Variants in PCM1 observed in about 807,000 individuals in gnomAD.
The protein encoded by PCM1 is pericentriolar material 1.
A neutral mutation model predicts 241.9 loss-of-function variants in PCM1; 157 were observed. That is an observed-to-expected ratio of 0.65 (90% CI 0.57 to 0.74). The LOEUF (loss-of-function observed/expected upper bound fraction) is 0.74. Ranked by LOEUF, PCM1 falls within the 30% of genes least tolerant of loss-of-function variation. PCM1 has a pLI of 0.00. For synonymous variants in PCM1, 1,085 were observed against 784.9 expected, an observed-to-expected ratio of 1.38 and a Z score of -6.39; for missense variants, 3,478 against 2,360.1, an observed-to-expected ratio of 1.47 and a Z score of -9.81.
intron 29 of PCM1, among the ~76,000 whole-genome samples, chr8:17,997,967 C>T (rs1203470945): frequency 2.0e-5 from 3 of 149,420 alleles, no homozygotes; most frequent in Non-Finnish European, 3.0e-5. Context: ...ACCCGGGAGG[C>T]GGAGGTTGCA....
rs1282856168 is a variant in PCM1, at chr8:17,957,281, C to G, written c.1664C>G (p.Ser555Cys). 6.3e-7 allele frequency: 1 copy of G among 1,590,436 alleles called. No homozygotes were observed. Among genetic ancestry groups the G allele is most frequent in the African/African-American group, 1.3e-5 (1 of 74,174 alleles). The change falls in exon 12 of 39, where the codon TCC becomes TGC. Residue 555 changes from serine to cysteine, a missense_variant. Physicochemically the swap from Ser to Cys is moderately radical, Grantham distance 112. Transcript: ENST00000325083. ...VTNIRNPQVA[S>C]TWNEVNSHSN... ...TCTTCTAGAAATCCACAAGTAGCTT[C>G]CACTTGGAATGAAGTAAATAGTCAT...
chr8:17,980,422 G>A (rs1199399360), intron 23 of PCM1, 169 bp from the exon 24 acceptor site: 3 of 480,096 alleles, frequency 6.2e-6, no homozygotes, highest in South Asian at 4.9e-5. Flanking sequence ...CTTCCAAAGG[G>A]TATTGCAAAG....
intron 22 of PCM1, among the ~76,000 whole-genome samples, chr8:17,971,473 C>T (rs901722198): frequency 7.2e-5 from 11 of 152,074 alleles, no homozygotes; most frequent in African/African-American, 2.2e-4. Context: ...CCTAGACGAC[C>T]GATGAGTACC....
Position 17,937,367 on chromosome 8 carries a change from T to C in PCM1, c.330T>C (p.Ser110=), listed in dbSNP as rs2060724669. Residue 110 remains serine (S), a synonymous_variant, in exon 4 of 39, where the codon AGT becomes AGC. Transcript: ENST00000325083. ...LEKLKQRINF[S]DLDQRSIGSD... ...AACTGAAACAGCGGATAAACTTCAG[T>C]GATTTAGATCAGGTTTGTGAATTAT... 1 of 1,596,578 alleles carries C rather than the reference T, an allele frequency of 6.3e-7. No individual in the cohort carries two copies. The highest frequency in any genetic ancestry group is 8.5e-7 in the Non-Finnish European group (1 of 1,172,476).
intron 10 of PCM1, chr8:17,956,037 A>C (rs1350950775): frequency 1.7e-5 from 4 of 239,566 alleles, no homozygotes; most frequent in Non-Finnish European, 2.5e-5. Flanking sequence ...GTATTTCCTC[A>C]TCTGCAAAAT....
Position 17,939,870 on chromosome 8 carries a change from T to A in PCM1, c.783+9T>A. On this transcript the variant is annotated intron_variant, in intron 6 of 38. Transcript: ENST00000325083. ...TTCTTAAAAAAATCCTTGTAAGTAT[T>A]CGACTTTTAAAATAACATATTATTT... is the stretch of plus-strand genomic sequence containing the variant. The A allele has an allele frequency of 1.4e-6, 2 of 1,408,904 alleles. No individual in the cohort carries two copies. Among genetic ancestry groups the A allele is most frequent in the South Asian group, 2.5e-5 (2 of 78,442 alleles). 87.3% of individuals were successfully genotyped at this position (1,408,904 alleles called of 1,614,324 possible). A position where few individuals can be genotyped will look rare whatever the true frequency, so the allele number is the denominator to read the frequency against.
Position 17,950,732 on chromosome 8 carries a change from A to G in PCM1, c.1071+8A>G. On this transcript the variant is annotated splice_region_variant and intron_variant, in intron 8 of 38. Transcript: ENST00000325083. ...CAGCTTCGTGATTCTCAGGTAACCTAGATGTTTTAGTATAGTTGAGTTTAA... is the reference window on the plus strand; with the variant it reads ...CAGCTTCGTGATTCTCAGGTAACCTGGATGTTTTAGTATAGTTGAGTTTAA... The G allele has an allele frequency of 4.2e-6, 6 of 1,442,840 alleles. No homozygotes were observed. Among genetic ancestry groups the G allele is most frequent in the Non-Finnish European group, 5.8e-6 (6 of 1,037,494 alleles). The allele number at this position is 1,442,840 out of a possible 1,614,324, so 89.4% of individuals were successfully genotyped here.
intron 24 of PCM1, 137 bp from the exon 25 acceptor site, chr8:17,985,310 T>G: frequency 1.8e-6 from 1 of 552,314 alleles, no homozygotes; most frequent in South Asian, 2.9e-5. Flanking sequence ...TCTTTTCTAC[T>G]TTAAAAGCTC....
intron 36 of PCM1, among the ~76,000 whole-genome samples, chr8:18,019,388 G>T (rs2093579828): frequency 6.6e-6 from 1 of 152,150 alleles, no homozygotes; most frequent in African/African-American, 2.4e-5. Context: ...CCATGGACTG[G>T]GGTAAGGGGG....
rs1057429305 is a variant in PCM1, at chr8:17,955,667, A to G, written c.1472+14A>G. On this transcript the variant is annotated intron_variant, in intron 10 of 38. Transcript: ENST00000325083. ...TGAAAAACTCCAGTAAAACATTTAT[A>G]ATCATTGTTTACATGAAGTTAAATA... 3.8e-6 allele frequency: 6 copies of G among 1,594,562 alleles called. No homozygotes were observed. In the African/African-American group the frequency reaches 6.7e-5, roughly 18 times the overall value.
intron 36 of PCM1, among the ~76,000 whole-genome samples, chr8:18,020,616 A>G (rs1282190053): frequency 3.3e-5 from 5 of 152,212 alleles, no homozygotes; most frequent in African/African-American, 1.2e-4. Context: ...AATACATTTT[A>G]TTGATGGATC....
intron 2 of PCM1, among the ~76,000 whole-genome samples, chr8:17,930,239 T>C (rs1319399428): frequency 6.6e-6 from 1 of 151,548 alleles, no homozygotes; most frequent in South Asian, 2.1e-4. Flanking sequence ...TAGCTGGGAC[T>C]ACAGGTGCCC....
intron 18 of PCM1, among the ~76,000 whole-genome samples, chr8:17,965,500 G>A (rs1026014325): frequency 6.6e-6 from 1 of 152,194 alleles, no homozygotes; most frequent in Admixed American, 6.5e-5. Context: ...AGTAGATCCA[G>A]GTAAACTGGA....
chr8:17,931,371 C>T (rs2058976875), intron 2 of PCM1, among the ~76,000 whole-genome samples: 2 of 152,002 alleles, frequency 1.3e-5, no homozygotes, highest in Non-Finnish European at 2.9e-5. Flanking sequence ...ACACTGCAAC[C>T]TCTGCCTCCC....
At chr8:17,979,765 C>T (rs1201190541) in intron 23 of PCM1, among the ~76,000 whole-genome samples, 2 of 144,894 alleles carry the variant, frequency 1.4e-5, no homozygotes, top group African/African-American at 2.6e-5. Context: ...CATTTTGAGT[C>T]CCCAGAGATT....
At chr8:17,971,531 A>G (rs1199202023) in intron 22 of PCM1, among the ~76,000 whole-genome samples, 1 of 152,250 alleles carries the variant, frequency 6.6e-6, no homozygotes, top group African/African-American at 2.4e-5. Context: ...AATTTGAGAA[A>G]TGACAGTAGA....
intron 29 of PCM1, among the ~76,000 whole-genome samples, chr8:17,995,889 A>G (rs2086528209): frequency 6.6e-6 from 1 of 152,152 alleles, no homozygotes; most frequent in Non-Finnish European, 1.5e-5. Flanking sequence ...TGTATCCTGC[A>G]ACTTTACTGA....
intron 36 of PCM1, among the ~76,000 whole-genome samples, chr8:18,018,523 A>G (rs1313368816): frequency 2.0e-5 from 3 of 152,214 alleles, no homozygotes; most frequent in Non-Finnish European, 1.5e-5. Context: ...CTATAATACT[A>G]TAATCCTACA....
In PCM1 at chr8:17,963,283, A is replaced by T. The variant is rs1191819524; in HGVS notation, c.2646A>T (p.Arg882Ser). The change falls in exon 17 of 39, where the codon AGA (arginine) becomes AGT (serine). Residue 882 changes from arginine to serine, a missense_variant. Transcript: ENST00000325083. Reference protein sequence around the residue: ...SENLCTPQQSRTEKTMATWGG... With the variant: ...SENLCTPQQSSTEKTMATWGG... The stretch of plus-strand genomic sequence containing the variant: ...ACCTATGTACTCCTCAGCAAAGTAG[A>T]ACAGAAAAGTAAGAGAGCTGCATAA... 1 of 1,582,028 alleles carries T rather than the reference A, an allele frequency of 6.3e-7. No individual in the cohort carries two copies. Among genetic ancestry groups the T allele is most frequent in the South Asian group, 1.2e-5 (1 of 83,214 alleles).
Sources: allele counts gnomAD v4.1 joint callset (sites outside exome capture counted in the v4.1 genomes callset), GRCh38; gene constraint gnomAD v4.1.1; transcripts MANE v1.5; gene names NCBI Gene and HGNC (gene_info 2026-07-23, HGNC 2026-07-21).